Variants in MYH11 observed in about 807,000 individuals in gnomAD.
The protein encoded by MYH11 is myosin-11.
A neutral mutation model predicts 246.6 loss-of-function variants in MYH11; 80 were observed. The observed-to-expected ratio is 0.32, with a 90% CI of 0.27 to 0.39. The LOEUF (loss-of-function observed/expected upper bound fraction) is 0.39. Ranked by LOEUF, MYH11 falls within the 10% of genes least tolerant of loss-of-function variation. The pLI is 1.00. For synonymous variants in MYH11, 1,071 were observed against 1,015.5 expected (o/e 1.05, Z -1.04); for missense variants, 2,158 against 2,546.8 (o/e 0.85, Z 3.29).
rs1006983136 is a variant in MYH11, at chr16:15,717,366, G to A, written c.5296-18C>T. ...TGCTCGGCCTGGGGAGGAGAGTGAA[G>A]GCCATGAGGCGGACTCAGGGAAGCC... On this transcript the variant is annotated intron_variant, in intron 37 of 40. Transcript: ENST00000300036. 4 of 1,602,898 alleles carry A rather than the reference G, an allele frequency of 2.5e-6. No individual in the cohort carries two copies. The highest frequency in any genetic ancestry group is 3.4e-6 in the Non-Finnish European group (4 of 1,179,884).
chr16:15,764,660 A>C (rs140354031), intron 9 of MYH11, among the ~76,000 whole-genome samples: 4 of 152,334 alleles, frequency 2.6e-5, no homozygotes, highest in African/African-American at 9.6e-5. Flanking sequence ...AGTTCTTAGA[A>C]GGTGCATGTG....
chr16:15,830,898 A>G lies in MYH11; in HGVS notation c.345+7010T>C, dbSNP rs192267906. ...TCACAAAAAAAGCAATAGGCTGGGC[A>G]CAGTGGCTTAAGCCTGTAATCCCAG... On this transcript the variant is annotated intron_variant, in intron 2 of 40. Coordinates refer to ENST00000300036, the MANE Select transcript of MYH11 (RefSeq NM_002474.3). Among the ~76,000 whole-genome samples, 24 of 151,668 alleles carry G rather than the reference A, an allele frequency of 1.6e-4. No individual in the cohort carries two copies. The East Asian group carries it at 4.7e-3, about 30-fold the overall frequency.
chr16:15,721,908 A>C (rs2040507708), intron 31 of MYH11, among the ~76,000 whole-genome samples: 1 of 151,966 alleles, frequency 6.6e-6, no homozygotes, highest in Non-Finnish European at 1.5e-5. Flanking sequence ...CCCAGGCTGG[A>C]GTGCAATGGT....
At chr16:15,775,844 A>T (rs2042209381) in intron 8 of MYH11, 2 of 593,198 alleles carry the variant, frequency 3.4e-6, no homozygotes, top group Non-Finnish European at 6.0e-6. Flanking sequence ...TCTAATGTCT[A>T]ATTGGAGTTG....
At chr16:15,830,006 G>A (rs373726780) in intron 2 of MYH11, among the ~76,000 whole-genome samples, 50 of 152,118 alleles carry the variant, frequency 3.3e-4, no homozygotes, top group East Asian at 5.8e-4. Flanking sequence ...GTGGTGGCGC[G>A]TGCCTGTAAT....
chr16:15,816,054 T>G (rs1056595030), intron 3 of MYH11, among the ~76,000 whole-genome samples: 1 of 152,176 alleles, frequency 6.6e-6, no homozygotes, highest in Non-Finnish European at 1.5e-5. Context: ...CTCTCAGATA[T>G]GGAAGTTCTC....
intron 3 of MYH11, among the ~76,000 whole-genome samples, chr16:15,806,009 T>C (rs753513627): frequency 3.9e-4 from 59 of 151,928 alleles, no homozygotes; most frequent in Non-Finnish European, 6.6e-4. Context: ...CTGGGCACGG[T>C]GGCTCACACC....
At chr16:15,708,225 C>T (rs148558167) in intron 40 of MYH11, among the ~76,000 whole-genome samples, 340 of 152,292 alleles carry the variant, frequency 2.2e-3, no homozygotes, top group African/African-American at 7.3e-3. Context: ...TGTCAGACAT[C>T]GCAGTGAGCT....
At chr16:15,822,550 A>C (rs1483536406) in intron 3 of MYH11, among the ~76,000 whole-genome samples, 1 of 152,068 alleles carries the variant, frequency 6.6e-6, no homozygotes, top group Non-Finnish European at 1.5e-5. Context: ...AAACAAAAAA[A>C]CCCACCTTTT....
intron 3 of MYH11, among the ~76,000 whole-genome samples, chr16:15,812,299 G>A (rs544059580): frequency 2.0e-5 from 3 of 152,192 alleles, no homozygotes; most frequent in African/African-American, 7.2e-5. Flanking sequence ...TGCGGCTAGC[G>A]TTGGATCACC....
At chr16:15,833,062 G>A (rs759699512) in intron 2 of MYH11, among the ~76,000 whole-genome samples, 5 of 141,018 alleles carry the variant, frequency 3.5e-5, no homozygotes, top group South Asian at 2.2e-4. Context: ...TTGGGAGGCC[G>A]AAGTGGTGAA....
intron 2 of MYH11, among the ~76,000 whole-genome samples, chr16:15,824,281 CTTT>C (rs58481524): frequency 6.9e-6 from 1 of 144,112 alleles, no homozygotes. Flanking sequence ...ATGTTGTTTA[CTTT>C]TTTTTTTTTT....
At chr16:15,738,538 A>T in intron 24 of MYH11, 27 bp downstream of exon 24, 1 of 1,592,532 alleles carries the variant, frequency 6.3e-7, no homozygotes, top group Non-Finnish European at 8.6e-7. Flanking sequence ...AATAAAATAA[A>T]AATAAATCTC....
chr16:15,804,643 T>C (rs1596869393), intron 3 of MYH11, among the ~76,000 whole-genome samples: 2 of 152,328 alleles, frequency 1.3e-5, no homozygotes, highest in East Asian at 3.9e-4. Flanking sequence ...CACCCCCAAA[T>C]GAAACCCTCT....
chr16:15,790,955 C>CT (rs770852667), intron 4 of MYH11: 29,538 of 118,176 alleles, frequency 0.25, 4,458 homozygotes, highest in South Asian at 0.38. Context: ...TTTTTCTTTT[C>CT]TTTTTTTTTT....
intron 28 of MYH11, chr16:15,725,435 CCCTT>C: frequency 2.1e-6 from 1 of 472,916 alleles, no homozygotes; most frequent in Admixed American, 3.8e-5. Flanking sequence ...GCTGTCCCAT[CCCTT>C]CCTTCCTCAC....
intron 32 of MYH11, 128 bp from the exon 33 acceptor site, chr16:15,721,179 G>A (rs2040455106): frequency 7.3e-6 from 8 of 1,096,006 alleles, no homozygotes; most frequent in Non-Finnish European, 8.0e-6. Flanking sequence ...TGCATGGCCG[G>A]GACTCAAGAT....
intron 14 of MYH11, among the ~76,000 whole-genome samples, chr16:15,755,490 C>T (rs1448464419): frequency 6.6e-6 from 1 of 152,116 alleles, no homozygotes; most frequent in East Asian, 1.9e-4. Flanking sequence ...AGAGTCTATA[C>T]AAGAAAAGCA....
At chr16:15,803,292 T>TC in intron 3 of MYH11, among the ~76,000 whole-genome samples, 1 of 151,218 alleles carries the variant, frequency 6.6e-6, no homozygotes, top group African/African-American at 2.4e-5. Flanking sequence ...TTTTTTTTTT[T>TC]CTGAAATGGA....
Sources: gnomAD v4.1 joint callset for allele counts (sites outside exome capture counted in the v4.1 genomes callset) on GRCh38, gnomAD v4.1.1 for gene constraint, MANE v1.5 for transcripts, NCBI Gene and HGNC (gene_info 2026-07-23, HGNC 2026-07-21) for gene names.